Variants in ICE2 observed in about 807,000 individuals in gnomAD.
The protein encoded by ICE2 is interactor of little elongation complex ELL subunit 2.
Under a neutral mutation model 105.4 loss-of-function variants are expected in ICE2, and 87 were observed. That is an observed-to-expected ratio of 0.83 (90% CI 0.69 to 0.99). The LOEUF is 0.99. Among genes scored for constraint, ICE2 ranks in the 50% least tolerant of loss-of-function variants. The pLI is 0.00. For missense variants in ICE2, 1,323 were observed against 1,146.7 expected (o/e 1.15, Z -2.22); for synonymous variants, 399 against 392.0 (o/e 1.02, Z -0.21).
intron 14 of ICE2, among the ~76,000 whole-genome samples, chr15:60,429,290 C>G (rs1595739650): frequency 6.6e-6 from 1 of 152,178 alleles, no homozygotes; most frequent in East Asian, 1.9e-4. Context: ...AGATCTTCCA[C>G]AATAAACCTT....
chr15:60,466,518 G>A, intron 5 of ICE2, 76 bp downstream of exon 5: 1 of 1,531,176 alleles, frequency 6.5e-7, no homozygotes, highest in Non-Finnish European at 8.9e-7. Flanking sequence ...TGCTTTTGGT[G>A]GAATCATCAC....
At chr15:60,451,677 T>C (rs1362251587) in intron 9 of ICE2, 5 of 898,580 alleles carry the variant, frequency 5.6e-6, no homozygotes, top group African/African-American at 1.8e-5. Context: ...ACTCAGGCTG[T>C]CATTTCAGAG....
rs1567005805 is a variant in ICE2, at chr15:60,465,697, A to AT, written c.528+896_528+897insA. On this transcript the variant is annotated intron_variant, in intron 5 of 15. Coordinates refer to ENST00000261520, the MANE Select transcript of ICE2 (RefSeq NM_024611.6). ...ACTGATATTTATAAACTCTACTACA[A>AT]ATATGTGTGTGTGTATATATATATA... Among the ~76,000 whole-genome samples, 38 of 150,594 alleles carry AT rather than the reference A, an allele frequency of 2.5e-4. 1 individual carries two copies. Among genetic ancestry groups the AT allele is most frequent in the Middle Eastern group, 3.4e-3 (1 of 290 alleles).
intron 4 of ICE2, 151 bp downstream of exon 4, chr15:60,467,910 A>G (rs1357525149): frequency 1.5e-6 from 1 of 662,438 alleles, no homozygotes; most frequent in South Asian, 3.2e-5. Flanking sequence ...GGAACCAACA[A>G]AAGAATTAAA....
In ICE2 at chr15:60,421,950, A is replaced by C. The variant is rs937321897; in HGVS notation, c.*1684T>G. The C allele has an allele frequency of 4.0e-5, 6 of 151,634 alleles. No individual in the cohort carries two copies. Among genetic ancestry groups the C allele is most frequent in the African/African-American group, 1.2e-4 (5 of 41,380 alleles). 9.4% of individuals were successfully genotyped at this position (151,634 alleles called of 1,614,324 possible). ...GTATTTTCAACTGTTACAATACTTG[A>C]GGAGATTTTTCGGTCTAATTTCTCA... On this transcript the variant is annotated 3_prime_UTR_variant, in exon 16 of 16. Coordinates refer to ENST00000261520, the MANE Select transcript of ICE2 (RefSeq NM_024611.6).
chr15:60,423,684 G>A lies in ICE2; in HGVS notation c.2899C>T (p.Gln967Ter). 3 of 1,610,862 alleles carry A rather than the reference G, an allele frequency of 1.9e-6. No individual in the cohort carries two copies. Among genetic ancestry groups the A allele is most frequent in the Non-Finnish European group, 2.5e-6 (3 of 1,179,354 alleles). Residue 967 changes from glutamine to a stop codon, truncating the protein, a stop_gained, in exon 16 of 16, where the codon CAG (glutamine) becomes TAG (stop). Coordinates refer to ENST00000261520, the MANE Select transcript of ICE2 (RefSeq NM_024611.6). LOFTEE classifies it high-confidence loss of function. ...GCCACTCCTTCAGTTTCAACTTGCT[G>A]AGCAGGCAAGCAACTGCTTTTGGTT... ...METKSSCLPA[Q>*]QVETEGVAPH... is the part of the protein sequence containing the mutation.
At position 60,467,050 on chromosome 15, in the gene ICE2, C is replaced by T. The variant is rs536702766; in HGVS notation, c.409-337G>A. ...TTGCCCAGGCTGGAGTGCAGTGGCA[C>T]GATTTCGGCTCACTGCAACCTCCGC... is the stretch of plus-strand genomic sequence containing the variant. On this transcript the variant is annotated intron_variant, in intron 4 of 15. Coordinates refer to ENST00000261520, the MANE Select transcript of ICE2 (RefSeq NM_024611.6). Among the ~76,000 whole-genome samples the T allele has an allele frequency of 1.4e-3, 211 of 152,230 alleles. 1 individual carries two copies. The highest frequency in any genetic ancestry group is 4.6e-3 in the African/African-American group (189 of 41,530).
chr15:60,478,850 A>G, intron 1 of ICE2, 153 bp downstream of exon 1: 1 of 412,860 alleles, frequency 2.4e-6, no homozygotes, highest in East Asian at 7.6e-5. Flanking sequence ...TAAAAGGGCA[A>G]GCAAAGCAGG....
Position 60,449,560 on chromosome 15 carries a change from C to A in ICE2, c.1407G>T (p.Gln469His). The change falls in exon 10 of 16, where the codon CAG (glutamine) becomes CAT (histidine). Residue 469 changes from glutamine to histidine, a missense_variant. Gln to His is a conservative substitution (Grantham distance 24). Transcript: ENST00000261520. ...GGCCACCATCCATACCAGTGACCAG[C>A]TGTTTCTCCTTTTGCAATTGTTCCA... ...ILMEQLQKEK[Q>H]LVTGMDGGPE... 6.2e-7 allele frequency: 1 copy of A among 1,614,184 alleles called. No individual in the cohort carries two copies. The highest frequency in any genetic ancestry group is 1.1e-5 in the South Asian group (1 of 91,084).
intron 2 of ICE2, among the ~76,000 whole-genome samples, chr15:60,476,780 G>A (rs2064774307): frequency 1.3e-5 from 2 of 152,188 alleles, no homozygotes. Context: ...CTGTTTGAAT[G>A]AAGGAATTAA....
intron 12 of ICE2, among the ~76,000 whole-genome samples, chr15:60,436,609 G>C (rs2141017348): frequency 6.6e-6 from 1 of 151,104 alleles, no homozygotes. Flanking sequence ...CATCTACTCG[G>C]AAGGCTGAGG....
In ICE2 at chr15:60,466,613, T is replaced by A. The variant is rs143794443; in HGVS notation, c.509A>T (p.Asp170Val). The change falls in exon 5 of 16, where the codon GAT becomes GTT. Residue 170 changes from aspartate to valine, a missense_variant. By Grantham distance (152) the Asp-to-Val change is radical. Coordinates refer to ENST00000261520, the MANE Select transcript of ICE2 (RefSeq NM_024611.6). ...TTTTACCTCTGTGAAGAGACGGGCA[T>A]CATCAGAAAGCATATTATAATCCTG... ...CAQDYNMLSD[D>V]ARLFTEKILR... The A allele has an allele frequency of 3.0e-5, 48 of 1,611,416 alleles. 1 individual carries two copies. In the African/African-American group the frequency reaches 6.3e-4, roughly 21 times the overall value.
At chr15:60,438,281 G>A (rs545487978) in intron 12 of ICE2, 1 of 152,170 alleles carries the variant, frequency 6.6e-6, no homozygotes, top group South Asian at 2.1e-4. Flanking sequence ...TAATATTTAG[G>A]TATCAAAACA....
In ICE2 at chr15:60,466,634, T is replaced by A. The variant is rs949164821; in HGVS notation, c.488A>T (p.Asp163Val). The change falls in exon 5 of 16, where the codon GAT becomes GTT. Residue 163 changes from aspartate to valine, a missense_variant. Physicochemically the swap from Asp to Val is radical, Grantham distance 152 (BLOSUM62 -3). Coordinates refer to ENST00000261520, the MANE Select transcript of ICE2 (RefSeq NM_024611.6). The stretch of plus-strand genomic sequence containing the variant: ...GGCATCATCAGAAAGCATATTATAA[T>A]CCTGCGCACATTTCTTTGCAGAATT... ...LQNSAKKCAQ[D>V]YNMLSDDARL... The A allele has an allele frequency of 6.2e-7, 1 of 1,611,918 alleles. No individual in the cohort carries two copies. The highest frequency in any genetic ancestry group is 1.3e-5 in the African/African-American group (1 of 74,906).
chr15:60,437,198 T>G (rs2063613110), intron 12 of ICE2, among the ~76,000 whole-genome samples: 1 of 151,826 alleles, frequency 6.6e-6, no homozygotes. Flanking sequence ...GAGGTTGCAG[T>G]GAGCCGATAC....
intron 12 of ICE2, chr15:60,438,073 A>G (rs1566976090): frequency 6.6e-6 from 1 of 152,210 alleles, no homozygotes; most frequent in Non-Finnish European, 1.5e-5. Context: ...ATGTTCTAAA[A>G]CAAAACAGGT....
In ICE2 at chr15:60,428,377, T is replaced by TA. The variant is rs2063382397; in HGVS notation, c.2820+51dup. 3 of 1,555,668 alleles carry TA rather than the reference T, an allele frequency of 1.9e-6. No individual in the cohort carries two copies. The South Asian group carries it at 3.5e-5, about 18-fold the overall frequency. On this transcript the variant is annotated intron_variant, in intron 15 of 15. Coordinates refer to ENST00000261520, the MANE Select transcript of ICE2 (RefSeq NM_024611.6). ...GTGAAATACGGTAAAGTCAGTGAAA[T>TA]AGACGAATAATAAACAACCTAATGA... is the stretch of plus-strand genomic sequence containing the variant.
Position 60,455,437 on chromosome 15 carries a change from A to C in ICE2, c.672T>G (p.Ser224Arg). The C allele has an allele frequency of 6.2e-7, 1 of 1,600,038 alleles. No homozygotes were observed. Among genetic ancestry groups the C allele is most frequent in the Non-Finnish European group, 8.6e-7 (1 of 1,168,212 alleles). The stretch of plus-strand genomic sequence containing the variant: ...GAAATACTGTTTTCACATATTTTAC[A>C]CTGCCCTAAATATGAAAAAAAAATC... Reference protein sequence around the residue: ...KLEKTLLALGSVKYVKTVFPS... With the variant: ...KLEKTLLALGRVKYVKTVFPS... The change falls in exon 7 of 16, where the codon AGT becomes AGG. Residue 224 changes from serine (S) to arginine (R), a missense_variant. Transcript: ENST00000261520.
chr15:60,453,237 A>C (rs1595785057), intron 9 of ICE2: 2 of 1,008,816 alleles, frequency 2.0e-6, no homozygotes, highest in East Asian at 2.0e-4. Flanking sequence ...ATCTCAAAAA[A>C]ATAAAACTCT....
Sources: allele counts gnomAD v4.1 joint callset (sites outside exome capture counted in the v4.1 genomes callset), GRCh38; gene constraint gnomAD v4.1.1; transcripts MANE v1.5; gene names NCBI Gene and HGNC (gene_info 2026-07-23, HGNC 2026-07-21).